Variants in RPL30 observed in about 807,000 individuals in gnomAD.
The protein encoded by RPL30 is ribosomal protein L30.
For missense variants in RPL30, 60 were observed against 138.0 expected, an observed-to-expected ratio of 0.43 and a Z score of 2.83; for synonymous variants, 40 against 50.4, an observed-to-expected ratio of 0.79 and a Z score of 0.87.
intron 4 of RPL30, 104 bp from the exon 5 acceptor site, chr8:98,041,954 C>T: frequency 1.2e-6 from 1 of 867,338 alleles, no homozygotes; most frequent in Non-Finnish European, 1.9e-6. Flanking sequence ...AGACAATGGT[C>T]TGCAAATTAG....
At chr8:98,042,514 G>A (rs1032186515) in intron 4 of RPL30, 131 bp downstream of exon 4, 9 of 839,238 alleles carry the variant, frequency 1.1e-5, no homozygotes, top group East Asian at 9.9e-5. Flanking sequence ...ACAACTACAC[G>A]ATATGCCTTG....
chr8:98,042,661 C>A lies in RPL30; in HGVS notation c.282G>T (p.Leu94=). The A allele has an allele frequency of 3.1e-6, 5 of 1,610,874 alleles. No individual in the cohort carries two copies. The highest frequency in any genetic ancestry group is 4.2e-6 in the Non-Finnish European group (5 of 1,178,842). The stretch of plus-strand genomic sequence containing the variant: ...AAAGCATACCTGGATCAATGATAGC[C>A]AGTGTGCACACTCTGTAGTATTTTC... ...ACGKYYRVCT[L]AIIDPGDSDI... The change falls in exon 4 of 5, where the codon CTG becomes CTT. Residue 94 remains leucine, a synonymous_variant. Coordinates refer to ENST00000287038, the MANE Select transcript of RPL30 (RefSeq NM_000989.4).
chr8:98,042,384 CTA>C (rs1380390942), intron 4 of RPL30: 2 of 435,320 alleles, frequency 4.6e-6, no homozygotes. Flanking sequence ...TTTACCAAAT[CTA>C]TGTCATTATT....
rs563549341 is a variant in RPL30 at position 98,042,947 on chromosome 8, T to G, written c.168-172A>C. Reference sequence around the variant, plus strand: ...ATTATCCAATACAAACCAACATTTGTATGTATCCCTTGCAAGTGAAGGGGC... The same window carrying G: ...ATTATCCAATACAAACCAACATTTGGATGTATCCCTTGCAAGTGAAGGGGC... On this transcript the variant is annotated intron_variant, in intron 3 of 4. Coordinates refer to ENST00000287038, the MANE Select transcript of RPL30 (RefSeq NM_000989.4). 5 of 556,070 alleles carry G rather than the reference T, an allele frequency of 9.0e-6. No homozygotes were observed. The African/African-American group carries it at 9.8e-5, about 11-fold the overall frequency. 34.4% of individuals were successfully genotyped at this position (556,070 alleles called of 1,614,324 possible). A position where few individuals can be genotyped will look rare whatever the true frequency, so the allele number is the denominator to read the frequency against.
intron 3 of RPL30, chr8:98,043,410 G>C (rs1230108252): frequency 1.4e-5 from 2 of 147,904 alleles, no homozygotes; most frequent in Non-Finnish European, 3.0e-5. Flanking sequence ...ACAGGTGTGA[G>C]CCACGGCACA....
Position 98,045,406 on chromosome 8 carries a change from G to A in RPL30, c.-32-7C>T, listed in dbSNP as rs2130484051. 3.1e-6 allele frequency: 5 copies of A among 1,613,756 alleles called. No homozygotes were observed. Among genetic ancestry groups the A allele is most frequent in the East Asian group, 4.5e-5 (2 of 44,870 alleles). ...GAGCGGGACGGCCCCCAACCTAGAA[G>A]AGACAGAGAACAGGACAGGAATTTT... On this transcript the variant is annotated splice_polypyrimidine_tract_variant and splice_region_variant and intron_variant, in intron 1 of 4. Coordinates refer to ENST00000287038, the MANE Select transcript of RPL30 (RefSeq NM_000989.4).
chr8:98,042,167 G>A (rs1814388270), intron 4 of RPL30: 1 of 583,410 alleles, frequency 1.7e-6, no homozygotes, highest in Non-Finnish European at 3.3e-6. Flanking sequence ...TATAGCGAAT[G>A]TTTAGCCTGT....
chr8:98,042,059 A>C, intron 4 of RPL30: 1 of 710,142 alleles, frequency 1.4e-6, no homozygotes, highest in Non-Finnish European at 2.6e-6. Flanking sequence ...TTATATAATC[A>C]CATAAAATGA....
chr8:98,043,314 T>TG (rs1259682023), intron 3 of RPL30: 1 of 151,820 alleles, frequency 6.6e-6, no homozygotes, highest in African/African-American at 2.4e-5. Context: ...TTTTGGTAGA[T>TG]GGGGTTTCAC....
chr8:98,042,856 T>C, intron 3 of RPL30, 81 bp from the exon 4 acceptor site: 1 of 1,329,506 alleles, frequency 7.5e-7, no homozygotes, highest in Non-Finnish European at 1.0e-6. Context: ...CTTTTACTAG[T>C]GTTAATGTTG....
chr8:98,045,474 C>T, intron 1 of RPL30, 34 bp downstream of exon 1: 1 of 1,372,166 alleles, frequency 7.3e-7, no homozygotes, highest in Non-Finnish European at 1.0e-6. Flanking sequence ...GCTCCCCGCG[C>T]TGCCTAAACC....
At chr8:98,043,724 A>C (rs999060383) in intron 3 of RPL30, 2 of 151,650 alleles carry the variant, frequency 1.3e-5, no homozygotes, top group African/African-American at 4.8e-5. Flanking sequence ...AGTAGATACT[A>C]ATGGTTTTAG....
chr8:98,042,251 C>T (rs1814390276), intron 4 of RPL30: 2 of 520,654 alleles, frequency 3.8e-6, no homozygotes, highest in African/African-American at 1.9e-5. Flanking sequence ...AATTGGAAAA[C>T]AGAATGATGT....
intron 4 of RPL30, 126 bp downstream of exon 4, chr8:98,042,519 G>A: frequency 1.1e-6 from 1 of 870,558 alleles, no homozygotes; most frequent in Non-Finnish European, 1.8e-6. Context: ...TACACGATAT[G>A]CCTTGCTAGA....
At chr8:98,043,673 A>G (rs1814423477) in intron 3 of RPL30, 2 of 151,666 alleles carry the variant, frequency 1.3e-5, no homozygotes, top group Non-Finnish European at 2.9e-5. Flanking sequence ...ACATGGTGAA[A>G]CCTTGTCTCT....
chr8:98,045,166 C>G, intron 2 of RPL30, 78 bp from the exon 3 acceptor site: 1 of 1,570,708 alleles, frequency 6.4e-7, no homozygotes, highest in East Asian at 2.2e-5. Flanking sequence ...TTTTTGAAGC[C>G]GAGCCCCTTA....
intron 2 of RPL30, 67 bp from the exon 3 acceptor site, chr8:98,045,155 C>T: frequency 6.3e-7 from 1 of 1,577,156 alleles, no homozygotes; most frequent in Non-Finnish European, 8.6e-7. Context: ...CCGGACCCAG[C>T]TTTTTGAAGC....
rs780167461 is a variant in RPL30 at position 98,045,114 on chromosome 8, C to T, written c.22-26G>A. 3.1e-6 allele frequency: 5 copies of T among 1,604,608 alleles called. No homozygotes were observed. The South Asian group carries it at 5.5e-5, about 18-fold the overall frequency. ...CTACAAAGCAAACATTAAATACGGACCTAAGGGCCTCGCCTGCAACCGCCT... is the reference window on the plus strand; with the variant it reads ...CTACAAAGCAAACATTAAATACGGATCTAAGGGCCTCGCCTGCAACCGCCT... On this transcript the variant is annotated intron_variant, in intron 2 of 4. Coordinates refer to ENST00000287038, the MANE Select transcript of RPL30 (RefSeq NM_000989.4).
chr8:98,042,622 A>C (rs1814399281), intron 4 of RPL30, 23 bp downstream of exon 4: 1 of 1,582,492 alleles, frequency 6.3e-7, no homozygotes. Context: ...AAAAAAAAAG[A>C]CTTTATGATT....
Sources: allele counts gnomAD v4.1 joint callset, GRCh38; gene constraint gnomAD v4.1.1; transcripts MANE v1.5; gene names NCBI Gene and HGNC (gene_info 2026-07-23, HGNC 2026-07-21).